TSPAN14: variants seen among roughly 807,000 people sequenced by gnomAD.
TSPAN14 encodes the protein tetraspanin-14.
Under a neutral mutation model 36.6 loss-of-function variants are expected in TSPAN14, and 16 were observed. The observed-to-expected ratio is 0.44, with a 90% CI of 0.30 to 0.66. TSPAN14 has a LOEUF of 0.66. Ranked by LOEUF, TSPAN14 falls within the 30% of genes least tolerant of loss-of-function variation. The probability of loss-of-function intolerance (pLI) is 0.12; values close to 1 mark genes in which losing one functional copy is unlikely to be tolerated. For missense variants in TSPAN14, 231 were observed against 355.1 expected (o/e 0.65, Z 2.81); for synonymous variants, 139 against 143.8 (o/e 0.97, Z 0.24).
intron 2 of TSPAN14, among the ~76,000 whole-genome samples, chr10:80,492,393 CG>C (rs1257475101): frequency 2.4e-4 from 37 of 152,238 alleles, no homozygotes; most frequent in African/African-American, 8.4e-4. Context: ...AAGGATTGCA[CG>C]TGTTGATGGT....
intron 2 of TSPAN14, among the ~76,000 whole-genome samples, chr10:80,497,993 C>T (rs1848287344): frequency 6.6e-6 from 1 of 152,196 alleles, no homozygotes; most frequent in African/African-American, 2.4e-5. Flanking sequence ...CCCTAGCATC[C>T]CTTCTGGCTC....
chr10:80,489,098 C>A, intron 1 of TSPAN14, 119 bp from the exon 2 acceptor site: 1 of 664,528 alleles, frequency 1.5e-6, no homozygotes, highest in Admixed American at 2.3e-5. Flanking sequence ...TCTGCTTGGA[C>A]CAGTAAAGGG....
rs74377310 is a variant in TSPAN14 at position 80,510,997 on chromosome 10, G to A, written c.451-1147G>A. On this transcript the variant is annotated intron_variant, in intron 5 of 8. Transcript: ENST00000429989. ...GGTAATCACTAAAGCAAGTGGAACCGTGGAGGTGTGGGGGAGACAATTTTA... is the reference window on the plus strand; with the variant it reads ...GGTAATCACTAAAGCAAGTGGAACCATGGAGGTGTGGGGGAGACAATTTTA... Among the ~76,000 whole-genome samples, 831 of 152,326 alleles carry A rather than the reference G, an allele frequency of 5.5e-3. 10 individuals carry two copies. Among genetic ancestry groups the A allele is most frequent in the African/African-American group, 0.019 (790 of 41,556 alleles).
chr10:80,492,659 A>G (rs1589274147), intron 2 of TSPAN14, among the ~76,000 whole-genome samples: 2 of 152,262 alleles, frequency 1.3e-5, no homozygotes, highest in South Asian at 4.1e-4. Context: ...TACTAAAAAT[A>G]CAAAAAATTA....
intron 2 of TSPAN14, among the ~76,000 whole-genome samples, chr10:80,495,930 A>T (rs1458831545): frequency 6.6e-6 from 1 of 151,760 alleles, no homozygotes; most frequent in Non-Finnish European, 1.5e-5. Flanking sequence ...TGCCTGCCCC[A>T]CCCTACCCCT....
chr10:80,520,263 G>A (rs766077954), exon 9 of TSPAN14: 13 of 223,302 alleles, frequency 5.8e-5, no homozygotes, highest in South Asian at 4.7e-4. Context: ...GTCTCGGTGC[G>A]ATTTTTGCAG....
At chr10:80,519,685 CAGT>C (rs1252371318) in exon 9 of TSPAN14, 1 of 152,272 alleles carries the variant, frequency 6.6e-6, no homozygotes, top group Non-Finnish European at 1.5e-5. Flanking sequence ...CTAAGCATCT[CAGT>C]GGTAAACGCG....
At chr10:80,479,441 C>T (rs1847119770) in intron 1 of TSPAN14, among the ~76,000 whole-genome samples, 1 of 152,212 alleles carries the variant, frequency 6.6e-6, no homozygotes, top group African/African-American at 2.4e-5. Flanking sequence ...ACGTTTAAGT[C>T]TTTAACCCAT....
At chr10:80,522,572 T>C (rs1427249884) in exon 9 of TSPAN14, 1 of 152,102 alleles carries the variant, frequency 6.6e-6, no homozygotes, top group Non-Finnish European at 1.5e-5. Flanking sequence ...AAAACAACTT[T>C]TAAACTAGTC....
chr10:80,511,351 G>A (rs1840606747), intron 5 of TSPAN14, among the ~76,000 whole-genome samples: 2 of 152,154 alleles, frequency 1.3e-5, no homozygotes, highest in Admixed American at 6.5e-5. Context: ...TTTGTAAAGG[G>A]GTGAAAAGGG....
At chr10:80,521,125 G>A (rs1381640379) in exon 9 of TSPAN14, 4 of 289,188 alleles carry the variant, frequency 1.4e-5, no homozygotes, top group Non-Finnish European at 2.7e-5. Flanking sequence ...GGCCACTGGG[G>A]AGGTGGCAGG....
intron 1 of TSPAN14, among the ~76,000 whole-genome samples, chr10:80,482,013 A>G (rs1442635419): frequency 2.0e-5 from 3 of 152,208 alleles, no homozygotes; most frequent in Non-Finnish European, 4.4e-5. Flanking sequence ...TCGGCCTTGC[A>G]AAGTGCTGGG....
Position 80,467,235 on chromosome 10 carries a change from G to A in TSPAN14, c.-18+12864G>A, listed in dbSNP as rs994121442. 4.6e-5 allele frequency among the ~76,000 whole-genome samples: 7 copies of A among 152,270 alleles called. No homozygotes were observed. In the East Asian group the frequency reaches 5.8e-4, roughly 13 times the overall value. On this transcript the variant is annotated intron_variant, in intron 1 of 8. Transcript: ENST00000429989. The stretch of plus-strand genomic sequence containing the variant: ...ATGAGGCCTTTCCAACCTCCTCCTT[G>A]TTGTGGCCAAGAGCTGTTTTTCAGG...
At chr10:80,508,119 CT>C (rs60175951) in intron 4 of TSPAN14, among the ~76,000 whole-genome samples, 172 of 133,548 alleles carry the variant, frequency 1.3e-3, no homozygotes, top group Middle Eastern at 3.9e-3. Flanking sequence ...CTTTTCTTTT[CT>C]TTTTTTTTTT....
exon 9 of TSPAN14, chr10:80,518,844 A>G (rs965387123): frequency 1.3e-5 from 2 of 152,978 alleles, no homozygotes; most frequent in Admixed American, 6.5e-5. Context: ...GCAGCCTTAG[A>G]TAGTGTCCAT....
chr10:80,465,884 T>C (rs1846216697), intron 1 of TSPAN14, among the ~76,000 whole-genome samples: 1 of 152,174 alleles, frequency 6.6e-6, no homozygotes, highest in Admixed American at 6.5e-5. Flanking sequence ...CTCTCCCTTC[T>C]CTCCCCCACC....
At chr10:80,510,603 G>A (rs1163424210) in intron 5 of TSPAN14, among the ~76,000 whole-genome samples, 1 of 152,122 alleles carries the variant, frequency 6.6e-6, no homozygotes, top group Non-Finnish European at 1.5e-5. Flanking sequence ...GGCCGGGCGC[G>A]GTGACTCACG....
Position 80,509,741 on chromosome 10 carries a change from C to T in TSPAN14, c.450+270C>T, listed in dbSNP as rs548486418. ...ACCCACCCCCCACGTGCCCGGCCCT[C>T]CTCTTTCGGCCCCAGATCTTTCCAA... On this transcript the variant is annotated intron_variant, in intron 5 of 8. Coordinates refer to ENST00000429989, the Ensembl canonical transcript of TSPAN14. This position sits in a 1 kb window ranked among gnomAD's most constrained non-coding sequence, Gnocchi z 4.7. 3 of 446,764 alleles carry T rather than the reference C, an allele frequency of 6.7e-6. No individual in the cohort carries two copies. The highest frequency in any genetic ancestry group is 2.0e-5 in the African/African-American group (1 of 50,522). The allele number at this position is 446,764 out of a possible 1,614,324, so 27.7% of individuals were successfully genotyped here. A position where few individuals can be genotyped will look rare whatever the true frequency, so the allele number is the denominator to read the frequency against.
exon 9 of TSPAN14, chr10:80,518,278 G>C (rs1028715801): frequency 3.4e-5 from 15 of 447,066 alleles, no homozygotes; most frequent in Non-Finnish European, 5.7e-5. Context: ...TGCCAGGAGG[G>C]CTTGACTCAG....
Sources: allele counts gnomAD v4.1 joint callset (sites outside exome capture counted in the v4.1 genomes callset), GRCh38; gene constraint gnomAD v4.1.1; non-coding constraint Gnocchi (gnomAD v3.1); transcripts MANE v1.5; gene names NCBI Gene and HGNC (gene_info 2026-07-23, HGNC 2026-07-21).